Variants in RNLS observed in about 807,000 individuals in gnomAD.
RNLS encodes renalase.
In RNLS, 39 loss-of-function variants were observed where a neutral mutation model predicts 39.8. The observed-to-expected ratio is 0.98, with a 90% CI of 0.76 to 1.28. The LOEUF (loss-of-function observed/expected upper bound fraction) is 1.28. RNLS is among the 50% of genes most tolerant of loss of function. RNLS has a pLI of 0.00. For missense variants in RNLS, 410 were observed against 413.3 expected (o/e 0.99, Z 0.07); for synonymous variants, 147 against 150.7 (o/e 0.98, Z 0.18).
chr10:88,216,232 C>CT, the RNLS span, among the ~76,000 whole-genome samples: 1 of 152,172 alleles, frequency 6.6e-6, no homozygotes, highest in Non-Finnish European at 1.5e-5. Context: ...AGGCATCAGG[C>CT]TACAGAAGCT....
At chr10:88,477,137 T>C (rs1843866026) in intron 4 of RNLS, among the ~76,000 whole-genome samples, 1 of 151,626 alleles carries the variant, frequency 6.6e-6, no homozygotes. Flanking sequence ...TAATAGATAC[T>C]ATCTATTATT....
chr10:88,181,291 G>A, the RNLS span, among the ~76,000 whole-genome samples: 1 of 152,084 alleles, frequency 6.6e-6, no homozygotes, highest in Non-Finnish European at 1.5e-5. Context: ...AAACAAAGAT[G>A]TCAGTCCTAC....
intron 4 of RNLS, among the ~76,000 whole-genome samples, chr10:88,456,728 T>A (rs2312610): frequency 6.6e-6 from 1 of 151,902 alleles, no homozygotes; most frequent in Non-Finnish European, 1.5e-5. Context: ...AGAAACCTTG[T>A]AATTGTCTCA....
intron 4 of RNLS, among the ~76,000 whole-genome samples, chr10:88,392,861 G>A (rs2133588106): frequency 6.6e-6 from 1 of 152,216 alleles, no homozygotes; most frequent in South Asian, 2.1e-4. Flanking sequence ...CTTCATCCCT[G>A]GGATGCAAGG....
chr10:88,250,842 C>T, the RNLS span, among the ~76,000 whole-genome samples: 1 of 152,074 alleles, frequency 6.6e-6, no homozygotes, highest in Non-Finnish European at 1.5e-5. Context: ...AAATATAATT[C>T]GTGAAAGAGG....
At chr10:88,565,826 T>A (rs1241849394) in intron 4 of RNLS, among the ~76,000 whole-genome samples, 2 of 148,346 alleles carry the variant, frequency 1.3e-5, no homozygotes, top group Non-Finnish European at 3.0e-5. Context: ...CTTGGCTCAC[T>A]GCAACCTCCG....
At chr10:88,376,441 T>G (rs1414183597) in intron 4 of RNLS, among the ~76,000 whole-genome samples, 1 of 152,190 alleles carries the variant, frequency 6.6e-6, no homozygotes, top group Non-Finnish European at 1.5e-5. Flanking sequence ...TATAGATGAG[T>G]CAATGTCGCT....
chr10:88,431,780 G>A (rs1223029291), intron 4 of RNLS, among the ~76,000 whole-genome samples: 1 of 151,712 alleles, frequency 6.6e-6, no homozygotes, highest in Non-Finnish European at 1.5e-5. Flanking sequence ...GGATTTCTCA[G>A]AAATGTGTCA....
At chr10:88,178,618 T>G in the RNLS span, among the ~76,000 whole-genome samples, 1 of 152,236 alleles carries the variant, frequency 6.6e-6, no homozygotes, top group Non-Finnish European at 1.5e-5. Context: ...TTCCATGCCT[T>G]AGAGGGTCTT....
At chr10:88,327,046 C>A (rs184288420) in intron 5 of RNLS, among the ~76,000 whole-genome samples, 39 of 152,246 alleles carry the variant, frequency 2.6e-4, no homozygotes, top group African/African-American at 8.7e-4. Context: ...AATGCCTATA[C>A]CCCCATTGTA....
intron 3 of RNLS, among the ~76,000 whole-genome samples, chr10:88,576,178 C>A (rs181763485): frequency 6.6e-6 from 1 of 152,196 alleles, no homozygotes; most frequent in Non-Finnish European, 1.5e-5. Flanking sequence ...TTCTTCTTAA[C>A]ATTTATCATG....
downstream of RNLS, among the ~76,000 whole-genome samples, chr10:88,272,850 G>A (rs1403245640): frequency 6.6e-6 from 1 of 152,136 alleles, no homozygotes; most frequent in African/African-American, 2.4e-5. Flanking sequence ...CTAATCTAGG[G>A]ATTCTCAGGT....
At chr10:88,314,322 A>C in intron 6 of RNLS, 144 bp downstream of exon 6, 1 of 779,254 alleles carries the variant, frequency 1.3e-6, no homozygotes, top group Non-Finnish European at 2.0e-6. Context: ...AGTTATATTT[A>C]TGTGTTGGGC....
Position 88,380,843 on chromosome 10 carries a change from T to TCTAA in RNLS, c.527-18122_527-18119dup, listed in dbSNP as rs145822255. Reference sequence around the variant, plus strand: ...TTTACATGGTATGGGACAGTGAAAATCTAACTCTTTTTAGATGGATAGTCA... The same window carrying TCTAA: ...TTTACATGGTATGGGACAGTGAAAATCTAACTAACTCTTTTTAGATGGATAGTCA... On this transcript the variant is annotated intron_variant, in intron 4 of 6. Coordinates refer to ENST00000331772, the MANE Select transcript of RNLS (RefSeq NM_001031709.3). 1.6e-3 allele frequency among the ~76,000 whole-genome samples: 242 copies of TCTAA among 152,290 alleles called. 5 individuals carry two copies. In the East Asian group the frequency reaches 0.041, roughly 26 times the overall value.
At chr10:88,382,572 T>C (rs1441572836) in intron 4 of RNLS, among the ~76,000 whole-genome samples, 1 of 152,186 alleles carries the variant, frequency 6.6e-6, no homozygotes, top group Non-Finnish European at 1.5e-5. Flanking sequence ...TGTTTGATTA[T>C]AGCAGTTGAA....
At chr10:88,230,485 G>A in the RNLS span, among the ~76,000 whole-genome samples, 3 of 151,952 alleles carry the variant, frequency 2.0e-5, no homozygotes, top group South Asian at 4.2e-4. Flanking sequence ...GCTGAGACCC[G>A]TCTTTCTGTC....
At chr10:88,383,415 A>T (rs1851668408) in intron 4 of RNLS, among the ~76,000 whole-genome samples, 1 of 152,184 alleles carries the variant, frequency 6.6e-6, no homozygotes, top group South Asian at 2.1e-4. Context: ...ACTGTGGTAA[A>T]GTCATTTCAG....
chr10:88,570,969 T>TG (rs2134436769), intron 4 of RNLS, among the ~76,000 whole-genome samples: 1 of 112,814 alleles, frequency 8.9e-6, no homozygotes, highest in African/African-American at 4.3e-5. Flanking sequence ...TATTCTTTTT[T>TG]TTTTTTTTTT....
At position 88,419,145 on chromosome 10, in the gene RNLS, T is replaced by C. The variant is rs144881628; in HGVS notation, c.527-56420A>G. ...GCTAAAGCCTATTGCAGGGTTCATATGGTGCAAAGTGGGGCATTAGCAGCC... is the reference window on the plus strand; with the variant it reads ...GCTAAAGCCTATTGCAGGGTTCATACGGTGCAAAGTGGGGCATTAGCAGCC... On this transcript the variant is annotated intron_variant, in intron 4 of 6. Transcript: ENST00000331772. Among the ~76,000 whole-genome samples, 766 of 152,300 alleles carry C rather than the reference T, an allele frequency of 5.0e-3. 2 individuals are homozygous for C. The highest frequency in any genetic ancestry group is 0.037 in the Middle Eastern group (11 of 294).
Sources: allele counts gnomAD v4.1 joint callset (sites outside exome capture counted in the v4.1 genomes callset), GRCh38; gene constraint gnomAD v4.1.1; transcripts MANE v1.5; gene names NCBI Gene and HGNC (gene_info 2026-07-23, HGNC 2026-07-21).